Variants in CSMD1 observed in about 807,000 individuals in gnomAD.
CSMD1 encodes the protein CUB and sushi domain-containing protein 1.
A neutral mutation model predicts 417.5 loss-of-function variants in CSMD1; 213 were observed. The observed-to-expected ratio is 0.51, with a 90% confidence interval of 0.46 to 0.57. The LOEUF (loss-of-function observed/expected upper bound fraction) is 0.57. Among genes scored for constraint, CSMD1 ranks in the 20% least tolerant of loss-of-function variants. The pLI is 0.00. For synonymous variants in CSMD1, 2,862 were observed against 1,736.8 expected (o/e 1.65, Z -16.11); for missense variants, 6,923 against 4,529.7 (o/e 1.53, Z -15.17).
At chr8:4,633,929 G>A (rs927676871) in intron 2 of CSMD1, among the ~76,000 whole-genome samples, 3 of 151,074 alleles carry the variant, frequency 2.0e-5, no homozygotes, top group Non-Finnish European at 2.9e-5. Flanking sequence ...TGGAGACTGG[G>A]AAGCAAGAGG....
intron 1 of CSMD1, among the ~76,000 whole-genome samples, chr8:4,889,586 C>CA (rs1025564187): frequency 2.0e-5 from 3 of 150,814 alleles, no homozygotes; most frequent in Admixed American, 6.6e-5. Context: ...TGTGAAATGT[C>CA]AAAAAAATAG....
At chr8:4,133,826 T>G (rs1803256540) in intron 3 of CSMD1, among the ~76,000 whole-genome samples, 7 of 152,194 alleles carry the variant, frequency 4.6e-5, no homozygotes, top group Admixed American at 4.6e-4. Flanking sequence ...TGATCTCCTC[T>G]GAAACACACA....
chr8:3,188,808 A>T (rs996427352), intron 35 of CSMD1, 79 bp downstream of exon 35: 72 of 1,264,174 alleles, frequency 5.7e-5, no homozygotes, highest in Non-Finnish European at 7.0e-5. Context: ...GGAAAGAAAC[A>T]TAGAACAAAA....
At chr8:3,432,880 G>C (rs747016449) in intron 12 of CSMD1, among the ~76,000 whole-genome samples, 6 of 152,108 alleles carry the variant, frequency 3.9e-5, no homozygotes, top group Non-Finnish European at 8.8e-5. Context: ...AGTCATCAGA[G>C]TAATGCCTAA....
At chr8:3,453,162 T>C (rs969793643) in intron 12 of CSMD1, among the ~76,000 whole-genome samples, 12 of 152,202 alleles carry the variant, frequency 7.9e-5, no homozygotes, top group Non-Finnish European at 1.6e-4. Flanking sequence ...TTGGTGGTGA[T>C]ATCCCCTTCA....
intron 47 of CSMD1, among the ~76,000 whole-genome samples, chr8:3,091,878 G>A (rs1814973419): frequency 6.6e-6 from 1 of 152,172 alleles, no homozygotes; most frequent in African/African-American, 2.4e-5. Flanking sequence ...AGGTGCATAT[G>A]CTATTAATGG....
intron 3 of CSMD1, among the ~76,000 whole-genome samples, chr8:4,127,048 C>T (rs544677338): frequency 6.6e-6 from 1 of 151,022 alleles, no homozygotes; most frequent in African/African-American, 2.4e-5. Context: ...AATCATAGTT[C>T]AAGTTTTAGC....
chr8:4,124,719 CT>C (rs893692064), intron 3 of CSMD1, among the ~76,000 whole-genome samples: 1 of 152,176 alleles, frequency 6.6e-6, no homozygotes, highest in African/African-American at 2.4e-5. Flanking sequence ...GGGCTTTTCC[CT>C]AAGCCAGAAT....
intron 2 of CSMD1, among the ~76,000 whole-genome samples, chr8:4,431,182 G>T (rs1403805927): frequency 2.0e-5 from 3 of 152,068 alleles, no homozygotes; most frequent in African/African-American, 4.8e-5. Flanking sequence ...AGTAGGTAGT[G>T]ACCCCTAGAG....
intron 5 of CSMD1, among the ~76,000 whole-genome samples, chr8:3,842,882 T>G (rs531192234): frequency 6.6e-5 from 10 of 152,172 alleles, no homozygotes; most frequent in Non-Finnish European, 1.3e-4. Flanking sequence ...TTTCACAAAC[T>G]TGACATTACA....
At chr8:4,775,789 G>T (rs1164702033) in intron 1 of CSMD1, among the ~76,000 whole-genome samples, 2 of 152,104 alleles carry the variant, frequency 1.3e-5, no homozygotes, top group Non-Finnish European at 1.5e-5. Context: ...GATGCACTGG[G>T]GATGGGTCCT....
chr8:4,048,510 G>A, intron 3 of CSMD1, among the ~76,000 whole-genome samples: 1 of 152,138 alleles, frequency 6.6e-6, no homozygotes, highest in East Asian at 1.9e-4. Context: ...AGGCAGAAAA[G>A]TTAAGGAACA....
chr8:3,302,610 C>G (rs1224073154), intron 25 of CSMD1, among the ~76,000 whole-genome samples: 2 of 152,328 alleles, frequency 1.3e-5, no homozygotes, highest in South Asian at 2.1e-4. Flanking sequence ...GACAACACAA[C>G]TACCCTCTTT....
chr8:4,266,540 C>T lies in CSMD1; in HGVS notation c.415+153413G>A, dbSNP rs1261088968. On this transcript the variant is annotated intron_variant, in intron 3 of 69. Coordinates refer to ENST00000635120, the MANE Select transcript of CSMD1 (RefSeq NM_033225.6). The stretch of plus-strand genomic sequence containing the variant: ...AAGTAGAACAATTTCATACTCATGC[C>T]TCATATCCTTCCTTCAGAAAAACAA... Among the ~76,000 whole-genome samples the T allele has an allele frequency of 4.8e-5, 5 of 104,474 alleles. 2 individuals carry two copies. Among genetic ancestry groups the T allele is most frequent in the Admixed American group, 2.7e-4 (3 of 11,012 alleles). 68.5% of individuals were successfully genotyped at this position (104,474 alleles called of 152,430 possible). A position where few individuals can be genotyped will look rare whatever the true frequency, so the allele number is the denominator to read the frequency against.
intron 1 of CSMD1, among the ~76,000 whole-genome samples, chr8:4,842,689 A>T (rs902753645): frequency 1.3e-5 from 2 of 152,232 alleles, no homozygotes; most frequent in African/African-American, 4.8e-5. Context: ...TTTTAATAAA[A>T]ACAATTATTA....
chr8:4,861,497 C>T (rs1370653416), intron 1 of CSMD1, among the ~76,000 whole-genome samples: 1 of 152,014 alleles, frequency 6.6e-6, no homozygotes, highest in East Asian at 1.9e-4. Flanking sequence ...TATGATGTGT[C>T]TGCGATTTAG....
At chr8:3,394,922 A>G (rs1747946912) in intron 17 of CSMD1, among the ~76,000 whole-genome samples, 1 of 152,228 alleles carries the variant, frequency 6.6e-6, no homozygotes, top group African/African-American at 2.4e-5. Context: ...TGATATTGGA[A>G]TATTTTTATC....
chr8:4,709,824 AGTC>A (rs1261198053), intron 1 of CSMD1, among the ~76,000 whole-genome samples: 2 of 152,188 alleles, frequency 1.3e-5, no homozygotes, highest in Non-Finnish European at 2.9e-5. Flanking sequence ...CACAGTGTCC[AGTC>A]GTCCCGCAGA....
chr8:3,006,813 A>T (rs1456276092), intron 52 of CSMD1, among the ~76,000 whole-genome samples: 3 of 150,050 alleles, frequency 2.0e-5, no homozygotes, highest in South Asian at 2.1e-4. Context: ...CTAAAACCAT[A>T]AAAACCCTAG....
Sources: allele counts gnomAD v4.1 joint callset (sites outside exome capture counted in the v4.1 genomes callset), GRCh38; gene constraint gnomAD v4.1.1; transcripts MANE v1.5; gene names NCBI Gene and HGNC (gene_info 2026-07-23, HGNC 2026-07-21).